The following PCDHA2 variants were observed in gnomAD, a reference collection of about 807,000 sequenced individuals.
The protein encoded by PCDHA2 is protocadherin alpha-2.
Under a neutral mutation model 66.0 loss-of-function variants are expected in PCDHA2, and 58 were observed. That is an observed-to-expected ratio of 0.88 (90% CI 0.71 to 1.09). PCDHA2 has a LOEUF of 1.09. Among genes scored for constraint, PCDHA2 ranks in the 50% least tolerant of loss-of-function variants. PCDHA2 has a pLI of 0.00. For missense variants in PCDHA2, 1,267 were observed against 1,242.3 expected, an observed-to-expected ratio of 1.02 and a Z score of -0.30; for synonymous variants, 634 against 554.0, an observed-to-expected ratio of 1.14 and a Z score of -2.03.
In PCDHA2 at chr5:140,869,649, A is replaced by G. The variant is rs1446407712; in HGVS notation, c.2388+72297A>G. ...AAAATGAGTATTTTTCTTTAGATTC[A>G]CCAACAAATGGTAAGCAGATTAAAA... On this transcript the variant is annotated intron_variant, in intron 1 of 3. Transcript: ENST00000526136. 4.3e-6 allele frequency: 7 copies of G among 1,613,476 alleles called. No individual in the cohort carries two copies. In the African/African-American group the frequency reaches 6.7e-5, roughly 15 times the overall value.
At chr5:140,872,797 C>T (rs2153276720) in intron 1 of PCDHA2, among the ~76,000 whole-genome samples, 1 of 152,196 alleles carries the variant, frequency 6.6e-6, no homozygotes, top group South Asian at 2.1e-4. Flanking sequence ...AGTTGGCATT[C>T]TTCCATAAGT....
intron 1 of PCDHA2, chr5:140,809,173 G>GGCCACT: frequency 6.2e-7 from 1 of 1,613,974 alleles, no homozygotes; most frequent in Non-Finnish European, 8.5e-7. Context: ...TGACGGCCAC[G>GGCCACT]GCCACTGTGC....
intron 1 of PCDHA2, chr5:140,863,724 G>C (rs1450071694): frequency 3.7e-6 from 1 of 271,826 alleles, no homozygotes; most frequent in African/African-American, 2.2e-5. Context: ...GCCGGGTGCG[G>C]TAGCTCATGC....
intron 1 of PCDHA2, chr5:140,882,151 G>C (rs529033742): frequency 6.7e-7 from 1 of 1,503,572 alleles, no homozygotes; most frequent in African/African-American, 1.4e-5. Flanking sequence ...AGCAGAAAGC[G>C]GAATACCTCT....
intron 1 of PCDHA2, chr5:140,849,874 A>G: frequency 6.3e-7 from 1 of 1,598,610 alleles, no homozygotes. Flanking sequence ...CAGTCCGAGT[A>G]CACGGTGTTC....
intron 1 of PCDHA2, chr5:140,815,098 T>C (rs1445384708): frequency 1.3e-5 from 2 of 152,184 alleles, no homozygotes; most frequent in Admixed American, 1.3e-4. Flanking sequence ...AGCAAATCTC[T>C]TGTAGTTAGC....
intron 1 of PCDHA2, chr5:140,927,862 G>A (rs1397918624): frequency 2.5e-6 from 4 of 1,614,082 alleles, no homozygotes; most frequent in African/African-American, 2.7e-5. Context: ...AGCTAGCACC[G>A]CTAAACTGCT....
intron 1 of PCDHA2, chr5:140,927,814 G>T: frequency 6.2e-7 from 1 of 1,614,172 alleles, no homozygotes; most frequent in Non-Finnish European, 8.5e-7. Flanking sequence ...GCTCTTGGAG[G>T]CATACATTGA....
intron 1 of PCDHA2, chr5:140,856,495 T>C: frequency 6.3e-7 from 1 of 1,598,444 alleles, no homozygotes; most frequent in South Asian, 1.1e-5. Context: ...TGCTTGACTC[T>C]CGATTTCCAC....
intron 3 of PCDHA2, among the ~76,000 whole-genome samples, chr5:141,003,903 G>A (rs150270772): frequency 6.6e-6 from 1 of 152,076 alleles, no homozygotes; most frequent in Non-Finnish European, 1.5e-5. Flanking sequence ...CCATTCATTT[G>A]GGTCTTGACT....
At chr5:140,983,104 T>C (rs907787884) in intron 3 of PCDHA2, among the ~76,000 whole-genome samples, 3 of 152,234 alleles carry the variant, frequency 2.0e-5, no homozygotes, top group Admixed American at 1.3e-4. Flanking sequence ...TGCTTCTCTC[T>C]GCACATCAAC....
intron 1 of PCDHA2, among the ~76,000 whole-genome samples, chr5:140,838,948 T>C (rs1437181884): frequency 6.6e-6 from 1 of 151,904 alleles, no homozygotes; most frequent in Non-Finnish European, 1.5e-5. Context: ...TAAAATAAAA[T>C]AAAATAAAAA....
Position 140,810,871 on chromosome 5 carries a change from T to G in PCDHA2, c.2388+13519T>G, listed in dbSNP as rs144832294. On this transcript the variant is annotated intron_variant, in intron 1 of 3. Coordinates refer to ENST00000526136, the MANE Select transcript of PCDHA2 (RefSeq NM_018905.3). ...TTAAACTCAATTTATCAATTTTTGC[T>G]TCTGATCCTATTTCACAAAGATAAT... is the stretch of plus-strand genomic sequence containing the variant. 140 of 152,330 alleles carry G rather than the reference T, an allele frequency of 9.2e-4. 1 individual carries two copies. The highest frequency in any genetic ancestry group is 3.3e-3 in the African/African-American group (137 of 41,582). 9.4% of individuals were successfully genotyped at this position (152,330 alleles called of 1,614,324 possible).
chr5:140,941,214 C>CCTTTCTTT lies in PCDHA2; in HGVS notation c.2389-37700_2389-37693dup, dbSNP rs60032403. On this transcript the variant is annotated intron_variant, in intron 1 of 3. Coordinates refer to ENST00000526136, the MANE Select transcript of PCDHA2 (RefSeq NM_018905.3). ...TTTTTTCTTTCTTCCTTTCTTTCTTCCTTTCTTTCTTTCTTTCTTTCTTTC... is the reference window on the plus strand; with the variant it reads ...TTTTTTCTTTCTTCCTTTCTTTCTTCCTTTCTTTCTTTCTTTCTTTCTTTCTTTCTTTC... Among the ~76,000 whole-genome samples, 464 of 122,456 alleles carry CCTTTCTTT rather than the reference C, an allele frequency of 3.8e-3. 7 individuals are homozygous for CCTTTCTTT. The highest frequency in any genetic ancestry group is 0.025 in the Middle Eastern group (6 of 238). 80.3% of individuals were successfully genotyped at this position (122,456 alleles called of 152,430 possible).
chr5:140,989,728 A>T (rs1453115061), intron 3 of PCDHA2, among the ~76,000 whole-genome samples: 6 of 152,184 alleles, frequency 3.9e-5, no homozygotes, highest in Admixed American at 3.9e-4. Flanking sequence ...TTGCAGTTGA[A>T]AAGGCCATTG....
rs2053060094 is a variant in PCDHA2, at chr5:140,871,409, T to A, written c.2388+74057T>A. The A allele has an allele frequency of 6.2e-7, 1 of 1,614,092 alleles. No individual in the cohort carries two copies. Among genetic ancestry groups the A allele is most frequent in the Non-Finnish European group, 8.5e-7 (1 of 1,179,968 alleles). The stretch of plus-strand genomic sequence containing the variant: ...GAGGGCCCACCTAAGACGGACCTCA[T>A]GGCCTTCAGCCCCAGTCTTCCTCTA... On this transcript the variant is annotated intron_variant, in intron 1 of 3. Transcript: ENST00000526136.
chr5:140,898,506 G>A (rs1185053384), intron 1 of PCDHA2, among the ~76,000 whole-genome samples: 2 of 152,132 alleles, frequency 1.3e-5, no homozygotes, highest in Admixed American at 1.3e-4. Context: ...TTGTAGATAT[G>A]CGGCGTTATT....
At chr5:140,889,009 C>T (rs1030437186) in intron 1 of PCDHA2, among the ~76,000 whole-genome samples, 7 of 152,128 alleles carry the variant, frequency 4.6e-5, no homozygotes, top group Admixed American at 1.3e-4. Flanking sequence ...GCAAACCAAC[C>T]TCTACTTCCT....
chr5:140,804,790 A>G, intron 1 of PCDHA2: 1 of 279,186 alleles, frequency 3.6e-6, no homozygotes, highest in African/African-American at 2.2e-5. Flanking sequence ...TTTCCCTACC[A>G]CTGGAGAGAA....
Sources: allele counts gnomAD v4.1 joint callset (sites outside exome capture counted in the v4.1 genomes callset), GRCh38; gene constraint gnomAD v4.1.1; transcripts MANE v1.5; gene names NCBI Gene and HGNC (gene_info 2026-07-23, HGNC 2026-07-21).